CARD8: variants seen among roughly 807,000 people sequenced by gnomAD.
CARD8 encodes the protein caspase recruitment domain-containing protein 8.
CARD8 carries 38 observed loss-of-function variants against 53.2 expected under a neutral mutation model. The ratio of observed to expected loss-of-function variants is 0.71; its 90% CI spans 0.55 to 0.94. CARD8 has a LOEUF of 0.94. Among genes scored for constraint, CARD8 ranks in the 40% least tolerant of loss-of-function variants. CARD8 has a pLI of 0.00. For synonymous variants in CARD8, 245 were observed against 244.9 expected (o/e 1.00, Z 0.00); for missense variants, 561 against 655.5 (o/e 0.86, Z 1.57).
chr19:48,232,974 T>C (rs1281727366), intron 6 of CARD8: 2 of 359,260 alleles, frequency 5.6e-6, no homozygotes, highest in African/African-American at 4.3e-5. Flanking sequence ...CCGATTGGTA[T>C]CATACGATGT....
intron 5 of CARD8, 67 bp from the exon 6 acceptor site, chr19:48,234,610 G>A: frequency 7.0e-7 from 1 of 1,438,346 alleles, no homozygotes; most frequent in African/African-American, 1.4e-5. Context: ...CATAGGCTGT[G>A]CAGGAAGATT....
chr19:48,250,070 T>C (rs1288664561), intron 1 of CARD8, among the ~76,000 whole-genome samples: 1 of 152,214 alleles, frequency 6.6e-6, no homozygotes, highest in African/African-American at 2.4e-5. Flanking sequence ...GTGTTGTTAA[T>C]ACTAATAATT....
At chr19:48,218,226 T>A (rs915817695) in intron 12 of CARD8, among the ~76,000 whole-genome samples, 1 of 152,068 alleles carries the variant, frequency 6.6e-6, no homozygotes, top group African/African-American at 2.4e-5. Flanking sequence ...TTAATTTAAG[T>A]TCTGGGATAC....
At chr19:48,223,953 T>C in intron 10 of CARD8, 2 of 449,568 alleles carry the variant, frequency 4.4e-6, no homozygotes, top group Non-Finnish European at 8.9e-6. Flanking sequence ...AGAAATGTAC[T>C]GCAACCCCCA....
chr19:48,210,718 A>G lies in CARD8; in HGVS notation c.*992T>C, dbSNP rs1392985458. The G allele has an allele frequency of 6.6e-6, 1 of 152,226 alleles. No homozygotes were observed. Among genetic ancestry groups the G allele is most frequent in the Non-Finnish European group, 1.5e-5 (1 of 68,036 alleles). The allele number at this position is 152,226 out of a possible 1,614,324, so 9.4% of individuals were successfully genotyped here. On this transcript the variant is annotated 3_prime_UTR_variant, in exon 14 of 14. Coordinates refer to ENST00000651546, the MANE Select transcript of CARD8 (RefSeq NM_001184900.3). Reference sequence around the variant, plus strand: ...AATTACATTAACGTAAGTAATTGAAATCTTCCAGTTAAAAGAGACTATCAG... The same window carrying G: ...AATTACATTAACGTAAGTAATTGAAGTCTTCCAGTTAAAAGAGACTATCAG...
chr19:48,233,356 G>A, intron 6 of CARD8: 1 of 456,300 alleles, frequency 2.2e-6, no homozygotes, highest in South Asian at 1.5e-5. Context: ...ACGTGAAAGA[G>A]ACCAGCAGAG....
intron 7 of CARD8, 118 bp from the exon 8 acceptor site, chr19:48,231,928 G>C: frequency 1.2e-6 from 1 of 867,338 alleles, no homozygotes; most frequent in Non-Finnish European, 1.9e-6. Flanking sequence ...AATGAGAGCT[G>C]AGAGTGACCA....
At chr19:48,240,619 A>C (rs1162126458) in intron 4 of CARD8, among the ~76,000 whole-genome samples, 2 of 152,120 alleles carry the variant, frequency 1.3e-5, no homozygotes. Flanking sequence ...AAATACAAAA[A>C]GTAGCCAGGC....
chr19:48,227,087 CAAA>C (rs57953827), intron 10 of CARD8, among the ~76,000 whole-genome samples: 5 of 104,016 alleles, frequency 4.8e-5, no homozygotes, highest in Non-Finnish European at 5.9e-5. Context: ...GACTCCGTCT[CAAA>C]AAAAAAAAAA....
rs1042266134 is a variant in CARD8 at position 48,231,870 on chromosome 19, G to A, written c.392-60C>T. The stretch of plus-strand genomic sequence containing the variant: ...GGGTTGGAAGAGGCATGGCCTGAAG[G>A]ACTCCTGGAGGCTGAATTGCACAGG... On this transcript the variant is annotated intron_variant, in intron 7 of 13. Transcript: ENST00000651546. 11 of 1,500,200 alleles carry A rather than the reference G, an allele frequency of 7.3e-6. No homozygotes were observed. In the African/African-American group the frequency reaches 1.5e-4, roughly 21 times the overall value. 92.9% of individuals were successfully genotyped at this position (1,500,200 alleles called of 1,614,324 possible). A position where few individuals can be genotyped will look rare whatever the true frequency, so the allele number is the denominator to read the frequency against.
At chr19:48,219,894 C>T (rs556870872) in intron 11 of CARD8, among the ~76,000 whole-genome samples, 1 of 152,178 alleles carries the variant, frequency 6.6e-6, no homozygotes, top group South Asian at 2.1e-4. Context: ...TCGCTTGAAC[C>T]CAGGGAAAGA....
At position 48,217,189 on chromosome 19, in the gene CARD8, C is replaced by T. The variant is rs141425047; in HGVS notation, c.1303+1682G>A. 1.8e-3 allele frequency among the ~76,000 whole-genome samples: 271 copies of T among 152,238 alleles called. 2 individuals carry two copies. The highest frequency in any genetic ancestry group is 6.4e-3 in the African/African-American group (265 of 41,534). On this transcript the variant is annotated intron_variant, in intron 12 of 13. Transcript: ENST00000651546. ...CACAGATGAAGCTTCGCCTGCTCACCGTCCACTCACCTCCTCTGTGCAACC... is the reference window on the plus strand; with the variant it reads ...CACAGATGAAGCTTCGCCTGCTCACTGTCCACTCACCTCCTCTGTGCAACC...
chr19:48,229,564 G>A (rs555914813), intron 10 of CARD8, among the ~76,000 whole-genome samples: 96 of 152,282 alleles, frequency 6.3e-4, no homozygotes, highest in African/African-American at 2.1e-3. Context: ...AGCATTAGAC[G>A]GGGGGACGAT....
chr19:48,250,997 C>T (rs913675308), intron 1 of CARD8, among the ~76,000 whole-genome samples: 3 of 152,172 alleles, frequency 2.0e-5, no homozygotes, highest in Non-Finnish European at 2.9e-5. Flanking sequence ...AATTGAAGAA[C>T]TCAAACAGTT....
At chr19:48,247,756 G>GTATATA (rs557750959) in intron 3 of CARD8, among the ~76,000 whole-genome samples, 52 of 143,446 alleles carry the variant, frequency 3.6e-4, no homozygotes, top group East Asian at 6.0e-4. Context: ...CTATGTTATT[G>GTATATA]TATATATATA....
chr19:48,252,653 C>G (rs2047069778), intron 1 of CARD8, among the ~76,000 whole-genome samples: 1 of 151,776 alleles, frequency 6.6e-6, no homozygotes, highest in Non-Finnish European at 1.5e-5. Context: ...CACCACCATG[C>G]CTGGCTAATT....
downstream of CARD8, chr19:48,206,579 T>C (rs2037353048): frequency 4.4e-6 from 2 of 457,460 alleles, no homozygotes; most frequent in Non-Finnish European, 8.8e-6. Context: ...GGGCCAATCC[T>C]TCATAGGGTG....
chr19:48,232,996 A>C (rs879003798), intron 6 of CARD8: 41 of 355,450 alleles, frequency 1.2e-4, no homozygotes, highest in Admixed American at 2.0e-4. Flanking sequence ...GGAATCAAAG[A>C]CTGAAGCAGT....
intron 1 of CARD8, among the ~76,000 whole-genome samples, chr19:48,255,256 C>G (rs1451951571): frequency 6.6e-6 from 1 of 152,130 alleles, no homozygotes; most frequent in Non-Finnish European, 1.5e-5. Context: ...GTCCCAGCTA[C>G]TTGGGAGACT....
Sources: gnomAD v4.1 joint callset for allele counts (sites outside exome capture counted in the v4.1 genomes callset) on GRCh38, gnomAD v4.1.1 for gene constraint, MANE v1.5 for transcripts, NCBI Gene and HGNC (gene_info 2026-07-23, HGNC 2026-07-21) for gene names.